EXOC4: variants seen among roughly 807,000 people sequenced by gnomAD.
The protein encoded by EXOC4 is SEC8-like 1.
In EXOC4, 71 loss-of-function variants were observed where a neutral mutation model predicts 107.2. The ratio of observed to expected loss-of-function variants is 0.66; its 90% confidence interval spans 0.55 to 0.81. EXOC4 has a LOEUF of 0.81. Among genes scored for constraint, EXOC4 ranks in the 30% least tolerant of loss-of-function variants. The probability of loss-of-function intolerance (pLI) is 0.00; values close to 1 mark genes in which losing one functional copy is unlikely to be tolerated. For synonymous variants in EXOC4, 456 were observed against 441.2 expected, an observed-to-expected ratio of 1.03 and a Z score of -0.42; for missense variants, 1,108 against 1,189.6, an observed-to-expected ratio of 0.93 and a Z score of 1.01.
chr7:133,459,070 C>T (rs1265595002), intron 7 of EXOC4, among the ~76,000 whole-genome samples: 1 of 152,184 alleles, frequency 6.6e-6, no homozygotes, highest in African/African-American at 2.4e-5. Context: ...GCCCTGGCTA[C>T]TGTTGCTGTC....
At chr7:133,262,776 A>G (rs1331379615) in intron 1 of EXOC4, among the ~76,000 whole-genome samples, 1 of 152,186 alleles carries the variant, frequency 6.6e-6, no homozygotes, top group Non-Finnish European at 1.5e-5. Context: ...AAGAAACCCC[A>G]GGCTTGAAAT....
intron 9 of EXOC4, among the ~76,000 whole-genome samples, chr7:133,537,304 C>CA (rs202047352): frequency 1.3e-5 from 2 of 149,082 alleles, no homozygotes; most frequent in African/African-American, 2.5e-5. Context: ...GCACCCCCCC[C>CA]CCCACCACAC....
chr7:133,759,618 A>T (rs1361679640), intron 10 of EXOC4, among the ~76,000 whole-genome samples: 1 of 152,028 alleles, frequency 6.6e-6, no homozygotes, highest in East Asian at 1.9e-4. Flanking sequence ...TGATAGTATG[A>T]CTCTTACCCC....
At chr7:133,358,394 A>G (rs968170405) in intron 6 of EXOC4, among the ~76,000 whole-genome samples, 1 of 152,204 alleles carries the variant, frequency 6.6e-6, no homozygotes, top group African/African-American at 2.4e-5. Flanking sequence ...TAAGTACTAT[A>G]ACATGCATGC....
At chr7:134,042,400 C>T (rs1795540231) in intron 17 of EXOC4, among the ~76,000 whole-genome samples, 1 of 152,026 alleles carries the variant, frequency 6.6e-6, no homozygotes, top group Admixed American at 6.5e-5. Flanking sequence ...TTATCAACCA[C>T]ATTTGCCAGT....
intron 17 of EXOC4, among the ~76,000 whole-genome samples, chr7:134,060,143 A>G (rs912851939): frequency 6.6e-6 from 1 of 152,212 alleles, no homozygotes; most frequent in Non-Finnish European, 1.5e-5. Context: ...GACTCTGCAC[A>G]TGAGACCAGT....
intron 17 of EXOC4, among the ~76,000 whole-genome samples, chr7:134,040,816 G>A (rs1017898473): frequency 1.3e-5 from 2 of 152,102 alleles, no homozygotes. Context: ...TCCTTCTAAA[G>A]GATAGTCAAT....
chr7:133,625,046 T>C (rs1802422507), intron 9 of EXOC4, among the ~76,000 whole-genome samples: 1 of 152,188 alleles, frequency 6.6e-6, no homozygotes, highest in African/African-American at 2.4e-5. Flanking sequence ...ATCTTTCACT[T>C]ACAGTAATAT....
At chr7:133,625,748 T>C (rs1802437597) in intron 9 of EXOC4, among the ~76,000 whole-genome samples, 1 of 152,178 alleles carries the variant, frequency 6.6e-6, no homozygotes, top group Admixed American at 6.5e-5. Flanking sequence ...CTTGTAATAC[T>C]ATTGTCAGTT....
At chr7:133,930,896 A>G (rs1260637514) in intron 13 of EXOC4, among the ~76,000 whole-genome samples, 1 of 152,008 alleles carries the variant, frequency 6.6e-6, no homozygotes, top group African/African-American at 2.4e-5. Flanking sequence ...GTAATCACCT[A>G]GTATATTTCT....
At chr7:133,617,640 A>G (rs556931679) in intron 9 of EXOC4, among the ~76,000 whole-genome samples, 4 of 152,278 alleles carry the variant, frequency 2.6e-5, no homozygotes, top group Admixed American at 2.0e-4. Flanking sequence ...AAGCATCCCC[A>G]TCATCTACAT....
intron 5 of EXOC4, among the ~76,000 whole-genome samples, chr7:133,342,640 C>T (rs1410928126): frequency 6.7e-6 from 1 of 149,888 alleles, no homozygotes; most frequent in African/African-American, 2.5e-5. Context: ...GATTTTTCTT[C>T]TTCCTCAGGA....
At chr7:133,705,614 G>A (rs1794751734) in intron 10 of EXOC4, among the ~76,000 whole-genome samples, 1 of 152,150 alleles carries the variant, frequency 6.6e-6, no homozygotes, top group Admixed American at 6.5e-5. Flanking sequence ...CAAATTGCCA[G>A]CATCACTACT....
chr7:133,906,741 A>G (rs1232361742), intron 12 of EXOC4, among the ~76,000 whole-genome samples: 2 of 152,176 alleles, frequency 1.3e-5, no homozygotes, highest in Non-Finnish European at 2.9e-5. Flanking sequence ...CCATCCCTCC[A>G]GATCCGGCAG....
At chr7:133,579,800 C>T (rs868375046) in intron 9 of EXOC4, among the ~76,000 whole-genome samples, 5 of 152,040 alleles carry the variant, frequency 3.3e-5, no homozygotes, top group Middle Eastern at 3.4e-3. Context: ...GATCCTCCTG[C>T]TTCAGCCTCC....
At chr7:133,442,076 A>G (rs139290037) in intron 7 of EXOC4, among the ~76,000 whole-genome samples, 25 of 152,304 alleles carry the variant, frequency 1.6e-4, no homozygotes, top group African/African-American at 6.0e-4. Flanking sequence ...CTTGCCATAA[A>G]CAATGGCAAA....
intron 17 of EXOC4, among the ~76,000 whole-genome samples, chr7:134,055,757 A>T (rs1400443489): frequency 6.6e-6 from 1 of 152,182 alleles, no homozygotes; most frequent in African/African-American, 2.4e-5. Flanking sequence ...GCCAAGCCCT[A>T]GTTTTGCTTT....
At chr7:133,658,724 C>T (rs992891714) in intron 10 of EXOC4, among the ~76,000 whole-genome samples, 1 of 151,948 alleles carries the variant, frequency 6.6e-6, no homozygotes, top group Non-Finnish European at 1.5e-5. Flanking sequence ...GAAGAGGTTT[C>T]CTAGGAAGGT....
chr7:133,785,406 G>A (rs1796547571), intron 10 of EXOC4, among the ~76,000 whole-genome samples: 1 of 151,590 alleles, frequency 6.6e-6, no homozygotes, highest in Non-Finnish European at 1.5e-5. Flanking sequence ...TCCCATGTGT[G>A]TCTCATTTAC....
Sources: allele counts gnomAD v4.1 joint callset (sites outside exome capture counted in the v4.1 genomes callset), GRCh38; gene constraint gnomAD v4.1.1; transcripts MANE v1.5; gene names NCBI Gene and HGNC (gene_info 2026-07-23, HGNC 2026-07-21).